Variants in BANF2 observed in about 807,000 individuals in gnomAD.
The protein encoded by BANF2 is BANF family member 2, also known as barrier-to-autointegration factor-like protein.
A neutral mutation model predicts 8.0 loss-of-function variants in BANF2; 4 were observed. That is an observed-to-expected ratio of 0.50 (90% CI 0.25 to 1.14). The LOEUF is 1.14. BANF2 is among the 50% of genes most tolerant of loss of function. The pLI is 0.16. For synonymous variants in BANF2, 50 were observed against 40.6 expected (o/e 1.23, Z -0.88); for missense variants, 96 against 107.5 (o/e 0.89, Z 0.47).
At chr20:17,716,398 C>A (rs2037652997) in intron 1 of BANF2, among the ~76,000 whole-genome samples, 1 of 151,938 alleles carries the variant, frequency 6.6e-6, no homozygotes, top group Non-Finnish European at 1.5e-5. Flanking sequence ...AGTGGTACGA[C>A]CACGGCTCAC....
At chr20:17,705,231 G>A (rs532864234) in intron 1 of BANF2, among the ~76,000 whole-genome samples, 39 of 152,358 alleles carry the variant, frequency 2.6e-4, no homozygotes, top group African/African-American at 8.4e-4. Flanking sequence ...AAAGCAGGAA[G>A]AGGTGATTCT....
intron 1 of BANF2, among the ~76,000 whole-genome samples, chr20:17,714,848 G>C (rs1408463761): frequency 6.6e-6 from 1 of 152,078 alleles, no homozygotes; most frequent in African/African-American, 2.4e-5. Context: ...TGTCAGTTCA[G>C]GCCAGCATTT....
upstream of BANF2, among the ~76,000 whole-genome samples, chr20:17,695,081 CAG>C (rs941113130): frequency 6.6e-6 from 1 of 152,050 alleles, no homozygotes; most frequent in African/African-American, 2.4e-5. Flanking sequence ...TGCAAAACTC[CAG>C]AGTTTTTATA....
intron 1 of BANF2, among the ~76,000 whole-genome samples, chr20:17,704,127 T>A (rs984126453): frequency 6.6e-6 from 1 of 152,196 alleles, no homozygotes; most frequent in Non-Finnish European, 1.5e-5. Context: ...AACTAAGCCA[T>A]AGGGCGAGAG....
At chr20:17,731,458 C>T (rs926144952) in intron 3 of BANF2, 1 of 152,124 alleles carries the variant, frequency 6.6e-6, no homozygotes, top group African/African-American at 2.4e-5. Flanking sequence ...AGCTAGAGAA[C>T]AAGAGAGGGC....
chr20:17,721,414 C>T (rs1054673998), intron 1 of BANF2, among the ~76,000 whole-genome samples: 3 of 148,708 alleles, frequency 2.0e-5, no homozygotes, highest in Admixed American at 6.7e-5. Context: ...TTTTTTAAGA[C>T]GGAGTCTCGC....
chr20:17,709,588 T>C (rs1254332731), intron 1 of BANF2, among the ~76,000 whole-genome samples: 1 of 152,088 alleles, frequency 6.6e-6, no homozygotes, highest in Non-Finnish European at 1.5e-5. Flanking sequence ...CCTGTTTATA[T>C]GTGCACCCAA....
At chr20:17,693,738 C>A in intron 1 of BANF2, 1 of 1,550,752 alleles carries the variant, frequency 6.4e-7, no homozygotes, top group Non-Finnish European at 8.7e-7. Context: ...TCCTTGCTCA[C>A]GGTGGGGAAG....
chr20:17,728,583 A>AT (rs2037845681), intron 3 of BANF2, among the ~76,000 whole-genome samples: 1 of 152,068 alleles, frequency 6.6e-6, no homozygotes, highest in Admixed American at 6.6e-5. Context: ...GGGTGCTGGG[A>AT]GGGGACTGTT....
intron 1 of BANF2, among the ~76,000 whole-genome samples, chr20:17,714,197 C>CAAAAA (rs11375517): frequency 1.5e-3 from 111 of 74,932 alleles, no homozygotes; most frequent in African/African-American, 6.0e-3. Context: ...GAGACTCTGT[C>CAAAAA]AAAAAAAAAA....
chr20:17,699,404 C>G, upstream of BANF2, among the ~76,000 whole-genome samples: 1 of 152,152 alleles, frequency 6.6e-6, no homozygotes, highest in Non-Finnish European at 1.5e-5. Flanking sequence ...TAAAAGACAC[C>G]TGTGTTGAAT....
chr20:17,732,664 C>T (rs946505782), intron 3 of BANF2, among the ~76,000 whole-genome samples: 5 of 152,164 alleles, frequency 3.3e-5, no homozygotes, highest in African/African-American at 9.7e-5. Context: ...CCGAGCCCCC[C>T]CTCTTACAGC....
chr20:17,708,677 T>A (rs774642842), intron 1 of BANF2, among the ~76,000 whole-genome samples: 26 of 152,184 alleles, frequency 1.7e-4, no homozygotes, highest in Non-Finnish European at 2.8e-4. Flanking sequence ...GCCTTGTCCC[T>A]CTGGCTTTTT....
In BANF2 at chr20:17,726,289, G is replaced by C. The variant is rs564317824; in HGVS notation, c.126+1138G>C. Among the ~76,000 whole-genome samples the C allele has an allele frequency of 2.0e-5, 3 of 152,234 alleles. No homozygotes were observed. In the South Asian group the frequency reaches 6.2e-4, roughly 32 times the overall value. ...CAACCTCTGCCTCCCAGGCTCAAGC[G>C]ATCCTCTCACCTCACCCTCCCATGT... On this transcript the variant is annotated intron_variant, in intron 3 of 3. Transcript: ENST00000246090.
intron 1 of BANF2, among the ~76,000 whole-genome samples, chr20:17,721,024 T>G (rs1266530003): frequency 6.6e-6 from 1 of 152,194 alleles, no homozygotes; most frequent in African/African-American, 2.4e-5. Flanking sequence ...CTTTGAGAAG[T>G]GCTAGTTGTA....
chr20:17,716,773 G>A (rs561655531), intron 1 of BANF2, among the ~76,000 whole-genome samples: 1 of 148,698 alleles, frequency 6.7e-6, no homozygotes, highest in African/African-American at 2.5e-5. Context: ...CCCAGGAGGC[G>A]GAGGTTGCAG....
intron 1 of BANF2, among the ~76,000 whole-genome samples, chr20:17,706,486 T>C (rs977976158): frequency 6.6e-6 from 1 of 152,318 alleles, no homozygotes; most frequent in Non-Finnish European, 1.5e-5. Context: ...CTTGGGCATG[T>C]TACTAAACTG....
intron 3 of BANF2, among the ~76,000 whole-genome samples, chr20:17,730,839 C>T (rs1225759226): frequency 6.6e-6 from 1 of 152,198 alleles, no homozygotes; most frequent in Non-Finnish European, 1.5e-5. Flanking sequence ...GGGCCCGTCA[C>T]GTAAGTTTGG....
upstream of BANF2, among the ~76,000 whole-genome samples, chr20:17,699,547 G>T (rs1262592714): frequency 6.6e-6 from 1 of 152,190 alleles, no homozygotes; most frequent in East Asian, 1.9e-4. Flanking sequence ...AGAAGAAAAA[G>T]CTGCCCTGGA....
Sources: allele counts gnomAD v4.1 joint callset (sites outside exome capture counted in the v4.1 genomes callset), GRCh38; gene constraint gnomAD v4.1.1; transcripts MANE v1.5; gene names NCBI Gene and HGNC (gene_info 2026-07-23, HGNC 2026-07-21).